GABRG3: variants seen among roughly 807,000 people sequenced by gnomAD.
GABRG3 encodes the protein gamma-aminobutyric acid type A receptor subunit gamma3.
GABRG3 carries 25 observed loss-of-function variants against 48.8 expected under a neutral mutation model. The ratio of observed to expected loss-of-function variants is 0.51; its 90% confidence interval spans 0.37 to 0.72. The LOEUF (loss-of-function observed/expected upper bound fraction) is 0.72. GABRG3 is among the 30% of genes least tolerant of loss of function. The pLI, the probability that GABRG3 is intolerant of heterozygous loss-of-function variation, is 0.00. For synonymous variants in GABRG3, 227 were observed against 217.6 expected (o/e 1.04, Z -0.38); for missense variants, 394 against 577.9 (o/e 0.68, Z 3.26).
At position 27,308,195 on chromosome 15, in the gene GABRG3, C is replaced by CATAT. The variant is rs371211061; in HGVS notation, c.271-18612_271-18611insATAT. 7.8e-3 allele frequency among the ~76,000 whole-genome samples: 195 copies of CATAT among 25,034 alleles called. 32 individuals carry two copies. Among genetic ancestry groups the CATAT allele is most frequent in the Middle Eastern group, 0.029 (1 of 34 alleles). The allele number at this position is 25,034 out of a possible 152,430, so 16.4% of individuals were successfully genotyped here. A position where few individuals can be genotyped will look rare whatever the true frequency, so the allele number is the denominator to read the frequency against. ...GTTTATATATCCAAACATATATAAA[C>CATAT]ATGTTTATATATCCAAACATATATA... On this transcript the variant is annotated intron_variant, in intron 3 of 9. Transcript: ENST00000615808.
intron 2 of GABRG3, among the ~76,000 whole-genome samples, chr15:27,025,054 A>G (rs559173497): frequency 6.0e-5 from 9 of 149,526 alleles, no homozygotes; most frequent in Admixed American, 3.3e-4. Context: ...AGCATCTACT[A>G]AAAGCGCTTC....
At chr15:26,999,346 T>C (rs894518895) in intron 2 of GABRG3, among the ~76,000 whole-genome samples, 1 of 152,120 alleles carries the variant, frequency 6.6e-6, no homozygotes, top group Non-Finnish European at 1.5e-5. Context: ...GATTTTGATA[T>C]AGACAGAATA....
At position 27,368,939 on chromosome 15, in the gene GABRG3, G is replaced by A. The variant is rs190722732; in HGVS notation, c.574+40051G>A. 7.2e-5 allele frequency among the ~76,000 whole-genome samples: 11 copies of A among 152,278 alleles called. No individual in the cohort carries two copies. In the East Asian group the frequency reaches 2.1e-3, roughly 29 times the overall value. On this transcript the variant is annotated intron_variant, in intron 5 of 9. Coordinates refer to ENST00000615808, the MANE Select transcript of GABRG3 (RefSeq NM_033223.5). ...AACCCCACATTCTGAAATGACCTTG[G>A]ACAGATAGTCAAGGGCCAGGTAATA...
intron 3 of GABRG3, among the ~76,000 whole-genome samples, chr15:27,056,384 A>G (rs557138137): frequency 7.0e-4 from 106 of 151,948 alleles, no homozygotes; most frequent in Non-Finnish European, 1.1e-3. Flanking sequence ...GAAAAGAAAA[A>G]AGAAAATAAA....
At chr15:27,307,454 G>T (rs1323748272) in intron 3 of GABRG3, among the ~76,000 whole-genome samples, 3 of 64,148 alleles carry the variant, frequency 4.7e-5, no homozygotes, top group Non-Finnish European at 1.0e-4. Flanking sequence ...TAAACATATA[G>T]GTTTATATAT....
At position 27,034,041 on chromosome 15, in the gene GABRG3, G is replaced by A. The variant is rs148502655; in HGVS notation, c.270+7220G>A. ...TTGAATCAGAATCTGCATTTTAACA[G>A]GATCTCCAGATCATTGTCATCCACC... On this transcript the variant is annotated intron_variant, in intron 3 of 9. Transcript: ENST00000615808. Among the ~76,000 whole-genome samples the A allele has an allele frequency of 1.8e-3, 270 of 152,214 alleles. 1 individual carries two copies. Among genetic ancestry groups the A allele is most frequent in the Non-Finnish European group, 3.2e-3 (220 of 68,020 alleles).
chr15:27,485,052 C>T (rs1270168734), intron 6 of GABRG3, among the ~76,000 whole-genome samples: 1 of 152,146 alleles, frequency 6.6e-6, no homozygotes, highest in Non-Finnish European at 1.5e-5. Context: ...TGACTTTCTT[C>T]CAAAGAGCGC....
chr15:27,090,638 G>A (rs1897168720), intron 3 of GABRG3, among the ~76,000 whole-genome samples: 1 of 152,010 alleles, frequency 6.6e-6, no homozygotes, highest in Non-Finnish European at 1.5e-5. Context: ...AATCTAGGAT[G>A]TCTTTCTATT....
intron 3 of GABRG3, among the ~76,000 whole-genome samples, chr15:27,219,444 A>G (rs955246287): frequency 1.3e-5 from 2 of 152,178 alleles, no homozygotes; most frequent in African/African-American, 4.8e-5. Context: ...AGTGAGACAC[A>G]TTCTGTGGGT....
intron 3 of GABRG3, among the ~76,000 whole-genome samples, chr15:27,079,028 T>C (rs989479484): frequency 3.3e-5 from 5 of 152,146 alleles, no homozygotes; most frequent in Non-Finnish European, 5.9e-5. Context: ...GAGTGATGCA[T>C]CTGTGGGCCA....
chr15:27,232,922 C>T (rs928625838), intron 3 of GABRG3, among the ~76,000 whole-genome samples: 4 of 152,240 alleles, frequency 2.6e-5, no homozygotes, highest in African/African-American at 9.6e-5. Context: ...CTTACCTCCT[C>T]ATTCCCTCGG....
intron 6 of GABRG3, among the ~76,000 whole-genome samples, chr15:27,482,386 G>A (rs904245800): frequency 4.6e-5 from 7 of 152,162 alleles, no homozygotes; most frequent in Non-Finnish European, 8.8e-5. Context: ...TGTTGCGTGT[G>A]TGCTTTTCAG....
intron 3 of GABRG3, among the ~76,000 whole-genome samples, chr15:27,169,011 A>C (rs1406071268): frequency 6.6e-6 from 1 of 152,204 alleles, no homozygotes; most frequent in East Asian, 1.9e-4. Context: ...ATTAGAATAG[A>C]TAGCTGAGCA....
At chr15:27,505,800 T>G (rs1327566702) in intron 6 of GABRG3, among the ~76,000 whole-genome samples, 1 of 152,232 alleles carries the variant, frequency 6.6e-6, no homozygotes, top group Non-Finnish European at 1.5e-5. Flanking sequence ...TTCCCTTTTA[T>G]TCAATTTTCT....
chr15:27,000,306 G>A (rs562161239), intron 2 of GABRG3, among the ~76,000 whole-genome samples: 6 of 152,296 alleles, frequency 3.9e-5, no homozygotes, highest in African/African-American at 1.2e-4. Context: ...TTAGTTGGAA[G>A]CAGCTTGATT....
At chr15:27,128,951 T>C (rs1425878588) in intron 3 of GABRG3, among the ~76,000 whole-genome samples, 1 of 152,246 alleles carries the variant, frequency 6.6e-6, no homozygotes, top group African/African-American at 2.4e-5. Context: ...AATTTATATC[T>C]ACTTTTAAGT....
At chr15:27,371,497 T>C (rs1267618446) in intron 5 of GABRG3, among the ~76,000 whole-genome samples, 1 of 152,226 alleles carries the variant, frequency 6.6e-6, no homozygotes, top group Non-Finnish European at 1.5e-5. Flanking sequence ...CTTCTCTCTC[T>C]CCTTGTAGTT....
intron 3 of GABRG3, among the ~76,000 whole-genome samples, chr15:27,216,343 G>C (rs1889245743): frequency 6.6e-6 from 1 of 152,220 alleles, no homozygotes; most frequent in South Asian, 2.1e-4. Flanking sequence ...GTAACCCTTA[G>C]AGACAGTGAA....
At chr15:27,250,149 C>G (rs77814081) in intron 3 of GABRG3, among the ~76,000 whole-genome samples, 8,651 of 152,170 alleles carry the variant, frequency 0.057, 820 homozygotes, top group African/African-American at 0.19. Context: ...CGTGTGAGTT[C>G]AGGAACTGTG....
Sources: gnomAD v4.1 joint callset for allele counts (sites outside exome capture counted in the v4.1 genomes callset) on GRCh38, gnomAD v4.1.1 for gene constraint, MANE v1.5 for transcripts, NCBI Gene and HGNC (gene_info 2026-07-23, HGNC 2026-07-21) for gene names.